Variants in H3-3A observed in about 807,000 individuals in gnomAD.
H3-3A encodes the protein histone H3.3.
For missense variants in H3-3A, 7 were observed against 184.0 expected, an observed-to-expected ratio of 0.04 and a Z score of 5.57; for synonymous variants, 49 against 61.4, an observed-to-expected ratio of 0.80 and a Z score of 0.95.
At chr1:226,064,522 A>G in intron 2 of H3-3A, 43 bp downstream of exon 2, 6 of 1,525,280 alleles carry the variant, frequency 3.9e-6, no homozygotes, top group Non-Finnish European at 4.5e-6. Context: ...TCTCTCTTGT[A>G]TGTATCCACA....
chr1:226,063,116 G>A lies in H3-3A; in HGVS notation c.-24+305G>A, dbSNP rs1576198929. 7.0e-5 allele frequency among the ~76,000 whole-genome samples: 9 copies of A among 128,902 alleles called. No individual in the cohort carries two copies. The Admixed American group carries it at 7.1e-4, about 10-fold the overall frequency. The allele number at this position is 128,902 out of a possible 152,430, so 84.6% of individuals were successfully genotyped here. A position where few individuals can be genotyped will look rare whatever the true frequency, so the allele number is the denominator to read the frequency against. On this transcript the variant is annotated intron_variant, in intron 1 of 3. Coordinates refer to ENST00000366815, the MANE Select transcript of H3-3A (RefSeq NM_002107.7). ...AAATCCCGCCCGCCGCCCCTTCCCC[G>A]GACCCCAAACCTTCACCATGACCCG...
At chr1:226,065,368 C>A (rs569898659) in intron 2 of H3-3A, among the ~76,000 whole-genome samples, 1 of 152,274 alleles carries the variant, frequency 6.6e-6, no homozygotes, top group East Asian at 1.9e-4. Context: ...CAGCTAATAC[C>A]TTCCCAAGGT....
chr1:226,064,218 AT>A (rs1657844476), intron 1 of H3-3A, 110 bp from the exon 2 acceptor site: 4 of 724,096 alleles, frequency 5.5e-6, no homozygotes, highest in Admixed American at 3.0e-5. Flanking sequence ...TACGAACATT[AT>A]TTTTTATACT....
chr1:226,070,499 C>T (rs970616985), intron 3 of H3-3A, among the ~76,000 whole-genome samples: 3 of 139,282 alleles, frequency 2.2e-5, no homozygotes, highest in African/African-American at 8.1e-5. Context: ...AACTGCCGGG[C>T]GCGGTGGCTC....
At chr1:226,065,881 A>G (rs371554002) in intron 3 of H3-3A, 72 bp downstream of exon 3, 8 of 1,098,954 alleles carry the variant, frequency 7.3e-6, no homozygotes, top group East Asian at 2.6e-5. Flanking sequence ...AAATTGTTGC[A>G]TGTGCTTATA....
chr1:226,067,775 T>C (rs557538069), intron 3 of H3-3A, among the ~76,000 whole-genome samples: 98 of 151,808 alleles, frequency 6.5e-4, no homozygotes, highest in South Asian at 2.9e-3. Flanking sequence ...GAGGGAGAAT[T>C]TGTTAATGGA....
intron 2 of H3-3A, among the ~76,000 whole-genome samples, chr1:226,065,429 A>G (rs750565677): frequency 1.1e-4 from 16 of 152,232 alleles, no homozygotes; most frequent in Non-Finnish European, 1.8e-4. Context: ...GCTTTGATGA[A>G]TTTCTTGCTA....
chr1:226,064,630 G>T, intron 2 of H3-3A, 151 bp downstream of exon 2: 1 of 601,910 alleles, frequency 1.7e-6, no homozygotes, highest in Non-Finnish European at 3.0e-6. Context: ...TAAATGTACT[G>T]TATGATCATT....
intron 1 of H3-3A, among the ~76,000 whole-genome samples, chr1:226,063,370 G>C (rs1657803515): frequency 6.6e-6 from 1 of 151,998 alleles, no homozygotes; most frequent in Non-Finnish European, 1.5e-5. Flanking sequence ...AAAGAGGGAC[G>C]TTTTTTTCCC....
intron 3 of H3-3A, among the ~76,000 whole-genome samples, chr1:226,067,555 A>G (rs1327869725): frequency 1.3e-5 from 2 of 152,164 alleles, no homozygotes; most frequent in South Asian, 2.1e-4. Context: ...CGTGGCCAAC[A>G]TGGTGTGAAA....
intron 3 of H3-3A, among the ~76,000 whole-genome samples, chr1:226,068,966 A>G (rs1228008584): frequency 6.6e-6 from 1 of 152,212 alleles, no homozygotes; most frequent in Non-Finnish European, 1.5e-5. Context: ...AACACACGTG[A>G]AAATAGTTCA....
At chr1:226,062,400 G>A (rs936844436), upstream of H3-3A, among the ~76,000 whole-genome samples, 3 of 151,328 alleles carry the variant, frequency 2.0e-5, no homozygotes, top group South Asian at 4.1e-4. Flanking sequence ...CACACGGAGC[G>A]GGATGGGAGT....
intron 3 of H3-3A, 191 bp downstream of exon 3, chr1:226,066,000 A>G (rs536947753): frequency 1.6e-6 from 1 of 608,558 alleles, no homozygotes; most frequent in African/African-American, 1.8e-5. Context: ...CAAAACCATA[A>G]TTTGAACCTA....
intron 3 of H3-3A, among the ~76,000 whole-genome samples, chr1:226,068,707 A>T (rs1334444312): frequency 6.6e-6 from 1 of 152,184 alleles, no homozygotes; most frequent in Non-Finnish European, 1.5e-5. Context: ...AAATATTGAA[A>T]ATCTACTTGA....
upstream of H3-3A, among the ~76,000 whole-genome samples, chr1:226,062,458 G>T (rs1044459673): frequency 6.6e-6 from 1 of 150,630 alleles, no homozygotes; most frequent in East Asian, 2.0e-4. Flanking sequence ...CAGTCTCGGC[G>T]GGAGCCGGCG....
At chr1:226,062,984 G>A (rs1203197668) in intron 1 of H3-3A, among the ~76,000 whole-genome samples, 173 bp downstream of exon 1, 1 of 151,976 alleles carries the variant, frequency 6.6e-6, no homozygotes, top group African/African-American at 2.4e-5. Flanking sequence ...TCTGGCGGCG[G>A]CGGCTCCCCC....
At position 226,065,834 on chromosome 1, in the gene H3-3A, A is replaced by G. The variant is rs778237759; in HGVS notation, c.282+25A>G. The G allele has an allele frequency of 6.5e-6, 10 of 1,549,598 alleles. No homozygotes were observed. In the South Asian group the frequency reaches 1.2e-4, roughly 18 times the overall value. ...GGTAAAATGGTGGGTGGGAAGACTC[A>G]GAGTTTGTATTCCTGTTGTGTACCA... On this transcript the variant is annotated intron_variant, in intron 3 of 3. Coordinates refer to ENST00000366815, the MANE Select transcript of H3-3A (RefSeq NM_002107.7).
chr1:226,064,147 G>A, intron 1 of H3-3A, 182 bp from the exon 2 acceptor site: 1 of 503,898 alleles, frequency 2.0e-6, no homozygotes, highest in South Asian at 2.6e-5. Flanking sequence ...TAGTACTCTA[G>A]TTTGTTTCAA....
intron 2 of H3-3A, among the ~76,000 whole-genome samples, chr1:226,065,134 G>C (rs1657883299): frequency 6.6e-6 from 1 of 152,242 alleles, no homozygotes; most frequent in African/African-American, 2.4e-5. Context: ...CACGTGGAAG[G>C]AACACTGCAC....
Sources: allele counts gnomAD v4.1 joint callset (sites outside exome capture counted in the v4.1 genomes callset), GRCh38; gene constraint gnomAD v4.1.1; transcripts MANE v1.5; gene names NCBI Gene and HGNC (gene_info 2026-07-23, HGNC 2026-07-21).